Variants in SUGCT observed in about 807,000 individuals in gnomAD.
The protein encoded by SUGCT is succinyl-CoA:glutarate CoA-transferase.
SUGCT carries 41 observed loss-of-function variants against 55.0 expected under a neutral mutation model. The ratio of observed to expected loss-of-function variants is 0.74; its 90% CI spans 0.58 to 0.97. The LOEUF (loss-of-function observed/expected upper bound fraction) is 0.97, where lower values mean the gene tolerates loss of function less well. Ranked by LOEUF, SUGCT falls within the 50% of genes least tolerant of loss-of-function variation. The pLI, the probability that SUGCT is intolerant of heterozygous loss-of-function variation, is 0.00. For synonymous variants in SUGCT, 187 were observed against 200.4 expected (o/e 0.93, Z 0.56); for missense variants, 568 against 547.8 (o/e 1.04, Z -0.37).
the SUGCT span, among the ~76,000 whole-genome samples, chr7:40,919,102 T>C: frequency 6.6e-6 from 1 of 152,222 alleles, no homozygotes; most frequent in Non-Finnish European, 1.5e-5. Flanking sequence ...TCATTCTAAG[T>C]GTTCTTTCTG....
At chr7:40,731,981 A>G (rs2128696084) in intron 12 of SUGCT, among the ~76,000 whole-genome samples, 1 of 152,318 alleles carries the variant, frequency 6.6e-6, no homozygotes, top group Middle Eastern at 3.4e-3. Context: ...ACAGAATTCT[A>G]GCTCCTGATA....
chr7:40,684,076 A>G (rs1179105559), intron 12 of SUGCT: 1 of 1,612,348 alleles, frequency 6.2e-7, no homozygotes, highest in Admixed American at 1.7e-5. Flanking sequence ...CTGGCTTCCA[A>G]AGCCTGCTGC....
chr7:40,725,398 C>G (rs1786560912), intron 12 of SUGCT, among the ~76,000 whole-genome samples: 1 of 152,092 alleles, frequency 6.6e-6, no homozygotes, highest in African/African-American at 2.4e-5. Flanking sequence ...TCCTAATACC[C>G]AAATGACACA....
the SUGCT span, among the ~76,000 whole-genome samples, chr7:41,029,635 A>G: frequency 6.6e-6 from 1 of 152,212 alleles, no homozygotes; most frequent in Admixed American, 6.5e-5. Context: ...AAAATTGCTC[A>G]GAAGAAAAGG....
chr7:40,863,499 G>C (rs142108520), downstream of SUGCT, among the ~76,000 whole-genome samples: 1 of 152,304 alleles, frequency 6.6e-6, no homozygotes, highest in East Asian at 1.9e-4. Flanking sequence ...TCATACTCCA[G>C]ATAATGGACC....
intron 12 of SUGCT, among the ~76,000 whole-genome samples, chr7:40,721,811 A>G (rs188061239): frequency 1.1e-3 from 175 of 152,310 alleles, no homozygotes; most frequent in African/African-American, 4.0e-3. Flanking sequence ...CTGTTTATGC[A>G]TATGTGTACA....
At chr7:40,712,192 T>A (rs1192986576) in intron 12 of SUGCT, among the ~76,000 whole-genome samples, 1 of 152,226 alleles carries the variant, frequency 6.6e-6, no homozygotes, top group Non-Finnish European at 1.5e-5. Flanking sequence ...AAATTATTTG[T>A]ATGGATTACT....
intron 13 of SUGCT, among the ~76,000 whole-genome samples, chr7:40,774,672 C>T (rs1789360174): frequency 6.6e-6 from 1 of 151,818 alleles, no homozygotes; most frequent in Non-Finnish European, 1.5e-5. Flanking sequence ...CTTGCAAAGA[C>T]TTACAGATTT....
At chr7:40,582,117 A>G (rs1178138389) in intron 12 of SUGCT, among the ~76,000 whole-genome samples, 4 of 152,142 alleles carry the variant, frequency 2.6e-5, no homozygotes, top group Admixed American at 6.6e-5. Context: ...CTCTATAACA[A>G]TAATAAGGAA....
chr7:40,268,837 C>T (rs1042782164), intron 7 of SUGCT, among the ~76,000 whole-genome samples: 2 of 152,096 alleles, frequency 1.3e-5, no homozygotes, highest in Non-Finnish European at 2.9e-5. Flanking sequence ...TGGGGTTTCA[C>T]CATGTTGGCC....
the SUGCT span, among the ~76,000 whole-genome samples, chr7:40,992,085 C>T: frequency 3.3e-4 from 50 of 152,254 alleles, no homozygotes; most frequent in Middle Eastern, 3.4e-3. Context: ...ATAGGCAGAG[C>T]AGCCCCGAGG....
chr7:40,445,640 C>T lies in SUGCT; in HGVS notation c.817-3647C>T, dbSNP rs867758088. ...GAAAAAGAGGGAATCCTCCCTAACT[C>T]ATTTTATGAGGCCAGCATCATCCTG... On this transcript the variant is annotated intron_variant, in intron 9 of 13. Coordinates refer to ENST00000335693, the MANE Select transcript of SUGCT (RefSeq NM_001193313.2). 1.4e-4 allele frequency among the ~76,000 whole-genome samples: 21 copies of T among 152,242 alleles called. 1 individual carries two copies. Among genetic ancestry groups the T allele is most frequent in the African/African-American group, 4.6e-4 (19 of 41,560 alleles).
At chr7:40,768,481 A>G (rs553576397) in intron 13 of SUGCT, among the ~76,000 whole-genome samples, 5 of 152,302 alleles carry the variant, frequency 3.3e-5, no homozygotes, top group African/African-American at 1.2e-4. Flanking sequence ...AAGGTCACCC[A>G]GGAATCTGTT....
chr7:40,926,093 C>T, the SUGCT span, among the ~76,000 whole-genome samples: 1 of 151,456 alleles, frequency 6.6e-6, no homozygotes, highest in Non-Finnish European at 1.5e-5. Context: ...AGAGCAAGTT[C>T]CTGTTTAAAA....
intron 9 of SUGCT, among the ~76,000 whole-genome samples, chr7:40,327,746 C>G (rs1796091506): frequency 6.6e-6 from 1 of 152,078 alleles, no homozygotes; most frequent in Non-Finnish European, 1.5e-5. Flanking sequence ...CTAAAATTAT[C>G]TAAAAGAATC....
At chr7:40,824,481 T>G (rs1037426181) in intron 13 of SUGCT, among the ~76,000 whole-genome samples, 1 of 151,990 alleles carries the variant, frequency 6.6e-6, no homozygotes, top group African/African-American at 2.4e-5. Context: ...ATGGCTATGG[T>G]TGAGGTAGGA....
intron 9 of SUGCT, among the ~76,000 whole-genome samples, chr7:40,406,771 T>G (rs192668266): frequency 9.3e-4 from 141 of 152,340 alleles, no homozygotes; most frequent in African/African-American, 3.2e-3. Context: ...TGTCCTAGAC[T>G]TTTGAGAAGT....
At chr7:40,765,948 C>T (rs1416861133) in intron 13 of SUGCT, among the ~76,000 whole-genome samples, 3 of 152,114 alleles carry the variant, frequency 2.0e-5, no homozygotes, top group African/African-American at 7.2e-5. Flanking sequence ...CTCTTTTTTA[C>T]CTTTATTAAA....
intron 13 of SUGCT, among the ~76,000 whole-genome samples, chr7:40,825,531 T>C (rs1023379208): frequency 6.6e-6 from 1 of 152,196 alleles, no homozygotes. Context: ...TTTTTTAACG[T>C]ATTCCATGAA....
Sources: gnomAD v4.1 joint callset for allele counts (sites outside exome capture counted in the v4.1 genomes callset) on GRCh38, gnomAD v4.1.1 for gene constraint, MANE v1.5 for transcripts, NCBI Gene and HGNC (gene_info 2026-07-23, HGNC 2026-07-21) for gene names.